The following PLXNA2 variants were observed in gnomAD, a reference collection of about 807,000 sequenced individuals.
PLXNA2 encodes the protein plexin-A2.
In PLXNA2, 91 loss-of-function variants were observed where a neutral mutation model predicts 193.5. The ratio of observed to expected loss-of-function variants is 0.47; its 90% CI spans 0.40 to 0.56. PLXNA2 has a LOEUF of 0.56. Ranked by LOEUF, PLXNA2 falls within the 20% of genes least tolerant of loss-of-function variation. The pLI, the probability that PLXNA2 is intolerant of heterozygous loss-of-function variation, is 0.00. For missense variants in PLXNA2, 1,995 were observed against 2,503.2 expected, an observed-to-expected ratio of 0.80 and a Z score of 4.33; for synonymous variants, 997 against 1,027.3, an observed-to-expected ratio of 0.97 and a Z score of 0.56.
intron 3 of PLXNA2, among the ~76,000 whole-genome samples, chr1:208,148,185 C>T (rs565502082): frequency 2.0e-4 from 30 of 152,270 alleles, no homozygotes; most frequent in Non-Finnish European, 3.4e-4. Flanking sequence ...TCTTGTGCTT[C>T]GATTTCTTCT....
chr1:208,133,887 T>C (rs1668229280), intron 4 of PLXNA2, among the ~76,000 whole-genome samples: 1 of 152,188 alleles, frequency 6.6e-6, no homozygotes, highest in African/African-American at 2.4e-5. Context: ...TTTAAAAGAA[T>C]GAAGGAGGGT....
At position 208,044,708 on chromosome 1, in the gene PLXNA2, G is replaced by A. The variant is rs140111660; in HGVS notation, c.3674C>T (p.Ser1225Leu). Residue 1225 changes from serine (S) to leucine (L), a missense_variant, in exon 20 of 32, where the codon TCG becomes TTG. This residue lies in a region of PLXNA2 where 1,291 missense variants were observed against 1,673.6 expected (regional missense o/e 0.77). Coordinates refer to ENST00000367033, the MANE Select transcript of PLXNA2 (RefSeq NM_025179.4). The surrounding 1 kb of genome is among the most constrained non-coding windows in gnomAD (Gnocchi z 4.9). ...HVGGMVFSPG[S>L]VSVISDSLLT... ...CAAGCTGTCTGAGATGACACTCACC[G>A]AGCCAGGCGAGAACACCATCCCGCC... 2.2e-5 allele frequency: 36 copies of A among 1,613,866 alleles called. No homozygotes were observed. The highest frequency in any genetic ancestry group is 3.3e-4 in the Middle Eastern group (2 of 6,084).
At chr1:208,172,792 G>A (rs1464987163) in intron 3 of PLXNA2, among the ~76,000 whole-genome samples, 3 of 152,158 alleles carry the variant, frequency 2.0e-5, no homozygotes, top group Non-Finnish European at 1.5e-5. Flanking sequence ...GTGTTCAGGG[G>A]ACACTTTTGG....
intron 3 of PLXNA2, among the ~76,000 whole-genome samples, chr1:208,197,165 GAA>G (rs1339674602): frequency 6.6e-6 from 1 of 152,046 alleles, no homozygotes; most frequent in East Asian, 1.9e-4. Flanking sequence ...AACAATGAAA[GAA>G]AAAAATCAAT....
In PLXNA2 at chr1:208,102,212, C is replaced by T. The variant is rs528784991; in HGVS notation, c.1607+935G>A. The stretch of plus-strand genomic sequence containing the variant: ...CCTCCAGAGCCCTCCCAACACCTGC[C>T]GCAGAGGCTGGAAGCCAAGAGCTAT... On this transcript the variant is annotated intron_variant, in intron 5 of 31. Transcript: ENST00000367033. Among the ~76,000 whole-genome samples the T allele has an allele frequency of 5.3e-5, 8 of 152,302 alleles. No individual in the cohort carries two copies. The East Asian group carries it at 7.7e-4, about 15-fold the overall frequency.
At chr1:208,239,505 C>T (rs116212439) in intron 1 of PLXNA2, among the ~76,000 whole-genome samples, 3,736 of 152,324 alleles carry the variant, frequency 0.025, 150 homozygotes, top group African/African-American at 0.084. Flanking sequence ...CTTCCATCCA[C>T]CTGCTGGTTT....
intron 3 of PLXNA2, among the ~76,000 whole-genome samples, chr1:208,169,164 C>CTCCT (rs959707675): frequency 6.6e-6 from 1 of 152,132 alleles, no homozygotes; most frequent in Non-Finnish European, 1.5e-5. Context: ...CTGCACTGAG[C>CTCCT]TCCTCTGTGT....
intron 29 of PLXNA2, chr1:208,030,190 T>A: frequency 2.0e-6 from 2 of 985,552 alleles, no homozygotes; most frequent in Non-Finnish European, 2.4e-6. Flanking sequence ...AGCTGACTCA[T>A]CTCTTCTACC....
intron 2 of PLXNA2, among the ~76,000 whole-genome samples, chr1:208,215,520 G>C (rs1237518139): frequency 6.6e-6 from 1 of 152,060 alleles, no homozygotes; most frequent in Non-Finnish European, 1.5e-5. Context: ...GGGATGAGTG[G>C]ATAAAGAGAT....
At chr1:208,221,709 G>A (rs1484057096) in intron 1 of PLXNA2, among the ~76,000 whole-genome samples, 1 of 152,128 alleles carries the variant, frequency 6.6e-6, no homozygotes, top group Admixed American at 6.5e-5. Context: ...TGACTAAGTG[G>A]CTGTTCCAAG....
At chr1:208,228,176 T>C (rs1206937674) in intron 1 of PLXNA2, among the ~76,000 whole-genome samples, 1 of 152,174 alleles carries the variant, frequency 6.6e-6, no homozygotes, top group Non-Finnish European at 1.5e-5. Flanking sequence ...CTGCTTTCTT[T>C]TGCAGACCTT....
chr1:208,216,485 C>A (rs1333477576), intron 2 of PLXNA2, among the ~76,000 whole-genome samples: 1 of 152,224 alleles, frequency 6.6e-6, no homozygotes, highest in Non-Finnish European at 1.5e-5. Flanking sequence ...GCAGCATTTA[C>A]AATAGCACCT....
rs1465261239 is a variant in PLXNA2 at position 208,038,027 on chromosome 1, T to A, written c.4764+344A>T. Among the ~76,000 whole-genome samples the A allele has an allele frequency of 6.6e-6, 1 of 152,250 alleles. No homozygotes were observed. Among genetic ancestry groups the A allele is most frequent in the Non-Finnish European group, 1.5e-5 (1 of 68,040 alleles). On this transcript the variant is annotated intron_variant, in intron 26 of 31. Coordinates refer to ENST00000367033, the MANE Select transcript of PLXNA2 (RefSeq NM_025179.4). This position sits in a 1 kb window ranked among gnomAD's most constrained non-coding sequence, Gnocchi z 4.1. ...AGTGCCAGGTACCTTAAGGTAGTTG[T>A]CCATGTGGAGGGCTTTGCAATATGC...
chr1:208,046,555 T>C (rs2102326949), intron 17 of PLXNA2, among the ~76,000 whole-genome samples: 1 of 151,752 alleles, frequency 6.6e-6, no homozygotes, highest in African/African-American at 2.4e-5. Context: ...TCTGTGTGTG[T>C]GCATGAGTGT....
At position 208,031,702 on chromosome 1, in the gene PLXNA2, G is replaced by A. The variant is rs769539300; in HGVS notation, c.5113C>T (p.Arg1705Trp). The change falls in exon 29 of 32, where the codon CGG (arginine) becomes TGG (tryptophan). Residue 1705 changes from arginine to tryptophan, a missense_variant. Around this residue, in one of 3 missense-constraint regions of PLXNA2, gnomAD observed 1,291 missense variants for 1,673.6 expected, o/e 0.77. Transcript: ENST00000367033. ...ATGGCCAGGGGGAGAGCGCTGCCCC[G>A]GTGCACAGTGCTGAACAAGGTCTCA... ...LFETLFSTVHRGSALPLAIKY... is the reference protein window; with the variant it reads ...LFETLFSTVHWGSALPLAIKY... 6.2e-6 allele frequency: 10 copies of A among 1,613,210 alleles called. No individual in the cohort carries two copies. The highest frequency in any genetic ancestry group is 5.5e-5 in the South Asian group (5 of 91,018).
chr1:208,053,044 T>C (rs1665315155), intron 14 of PLXNA2, among the ~76,000 whole-genome samples: 1 of 152,236 alleles, frequency 6.6e-6, no homozygotes, highest in Non-Finnish European at 1.5e-5. Context: ...TGGGGCTTTC[T>C]ACTAAGCTCA....
At chr1:208,126,024 A>G (rs1255846842) in intron 4 of PLXNA2, among the ~76,000 whole-genome samples, 2 of 152,170 alleles carry the variant, frequency 1.3e-5, no homozygotes, top group African/African-American at 2.4e-5. Flanking sequence ...CAAGTTCAAA[A>G]CACCTGCATG....
At position 208,236,740 on chromosome 1, in the gene PLXNA2, C is replaced by T. The variant is rs145554194; in HGVS notation, c.-81+6903G>A. ...ACCACCAGAGCAGAAGCGGAAATGA[C>T]GGCTAGGAAAGGCTCTAGAGACTGG... On this transcript the variant is annotated intron_variant, in intron 1 of 31. Transcript: ENST00000367033. The surrounding 1 kb of genome is among the most constrained non-coding windows in gnomAD (Gnocchi z 4.4). Among the ~76,000 whole-genome samples the T allele has an allele frequency of 2.7e-3, 408 of 152,298 alleles. 1 individual carries two copies. The highest frequency in any genetic ancestry group is 8.9e-3 in the African/African-American group (370 of 41,558).
In PLXNA2 at chr1:208,023,964, T is replaced by C. The variant is rs548584880; in HGVS notation, c.*3279A>G. The C allele has an allele frequency of 6.6e-6, 1 of 152,448 alleles. No individual in the cohort carries two copies. Among genetic ancestry groups the C allele is most frequent in the East Asian group, 1.9e-4 (1 of 5,182 alleles). The allele number at this position is 152,448 out of a possible 1,614,324, so 9.4% of individuals were successfully genotyped here. ...TGCCAATGGGGGATCAAAATGGTTT[T>C]GAGAGCCCTGCTGTGGAGAGAGGTA... On this transcript the variant is annotated 3_prime_UTR_variant, in exon 32 of 32. Coordinates refer to ENST00000367033, the MANE Select transcript of PLXNA2 (RefSeq NM_025179.4).
Sources: gnomAD v4.1 joint callset for allele counts (sites outside exome capture counted in the v4.1 genomes callset) on GRCh38, gnomAD v4.1.1 for gene constraint, gnomAD v4.1.1 regional missense constraint, Gnocchi (gnomAD v3.1) non-coding constraint, MANE v1.5 for transcripts, NCBI Gene and HGNC (gene_info 2026-07-23, HGNC 2026-07-21) for gene names.